Variants in C3orf20 observed in about 807,000 individuals in gnomAD.
C3orf20 encodes family with sequence similarity 149 member C, also known as uncharacterized protein C3orf20.
In C3orf20, 76 loss-of-function variants were observed where a neutral mutation model predicts 88.3. That is an observed-to-expected ratio of 0.86 (90% CI 0.72 to 1.04). The LOEUF (loss-of-function observed/expected upper bound fraction) is 1.04, where lower values mean the gene tolerates loss of function less well. C3orf20 is among the 50% of genes least tolerant of loss of function. The probability of loss-of-function intolerance (pLI) is 0.00; values close to 1 mark genes in which losing one functional copy is unlikely to be tolerated. For synonymous variants in C3orf20, 436 were observed against 437.4 expected (o/e 1.00, Z 0.04); for missense variants, 1,056 against 1,123.3 (o/e 0.94, Z 0.86).
intron 7 of C3orf20, among the ~76,000 whole-genome samples, chr3:14,712,826 C>G (rs1309030428): frequency 6.6e-6 from 1 of 152,048 alleles, no homozygotes; most frequent in Non-Finnish European, 1.5e-5. Context: ...CATTTTTTTG[C>G]AGGGCAGGTC....
intron 12 of C3orf20, among the ~76,000 whole-genome samples, chr3:14,740,070 A>C (rs1448692062): frequency 1.3e-5 from 2 of 152,168 alleles, no homozygotes; most frequent in African/African-American, 4.8e-5. Flanking sequence ...TTCCTTCATG[A>C]ACTTTTTCTT....
chr3:14,675,863 G>C (rs2031738311), intron 1 of C3orf20, among the ~76,000 whole-genome samples: 1 of 151,942 alleles, frequency 6.6e-6, no homozygotes, highest in East Asian at 1.9e-4. Context: ...GCTAATTTTT[G>C]TATTTTTAGT....
At chr3:14,675,826 G>C (rs534515293) in intron 1 of C3orf20, among the ~76,000 whole-genome samples, 12 of 152,154 alleles carry the variant, frequency 7.9e-5, no homozygotes, top group African/African-American at 2.9e-4. Context: ...GAGTAGCTGG[G>C]ATTACAGGCA....
intron 12 of C3orf20, among the ~76,000 whole-genome samples, chr3:14,732,038 A>G (rs2034553020): frequency 6.6e-6 from 1 of 152,254 alleles, no homozygotes; most frequent in Non-Finnish European, 1.5e-5. Flanking sequence ...GGTTTATAGT[A>G]AATGCATGTT....
chr3:14,697,436 T>C (rs1225859412), intron 5 of C3orf20, among the ~76,000 whole-genome samples: 2 of 152,120 alleles, frequency 1.3e-5, no homozygotes, highest in African/African-American at 2.4e-5. Context: ...TTTCTTCTGC[T>C]TGATAAATTC....
chr3:14,683,058 G>A lies in C3orf20; in HGVS notation c.345G>A (p.Lys115=), dbSNP rs73022161. ...PVLLATTGAA[K]RSTLSPTMAR... The stretch of plus-strand genomic sequence containing the variant: ...TGCTGGCAACCACTGGGGCAGCCAA[G>A]CGCTCCACCCTCTCTCCCACCATGG... Residue 115 remains lysine, a synonymous_variant, in exon 3 of 17, where the codon AAG becomes AAA. Coordinates refer to ENST00000253697, the MANE Select transcript of C3orf20 (RefSeq NM_032137.5). 13,589 of 1,611,172 alleles carry A rather than the reference G, an allele frequency of 8.4e-3. 127 individuals are homozygous for A. The highest frequency in any genetic ancestry group is 9.0e-3 in the Non-Finnish European group (10,551 of 1,178,596).
In C3orf20 at chr3:14,682,861, A is replaced by ACTT; in HGVS notation, c.149_151dup (p.Thr50_Trp51insSer). On this transcript the variant is annotated inframe_insertion, in exon 3 of 17. Coordinates refer to ENST00000253697, the MANE Select transcript of C3orf20 (RefSeq NM_032137.5). ...AGGCATCAGAAACATCTTTGAGTTC[A>ACTT]CTTGGGAAGAGCTCATCAGTGACCC... 6.2e-7 allele frequency: 1 copy of ACTT among 1,614,226 alleles called. No individual in the cohort carries two copies. Among genetic ancestry groups the ACTT allele is most frequent in the South Asian group, 1.1e-5 (1 of 91,086 alleles).
At chr3:14,738,626 C>CG (rs1188364962) in intron 12 of C3orf20, among the ~76,000 whole-genome samples, 20 of 135,938 alleles carry the variant, frequency 1.5e-4, no homozygotes, top group African/African-American at 5.6e-4. Context: ...CCACCATGCC[C>CG]GGCCTTTTTT....
intron 7 of C3orf20, among the ~76,000 whole-genome samples, chr3:14,707,151 A>G (rs1490176207): frequency 6.7e-6 from 1 of 149,010 alleles, no homozygotes; most frequent in Non-Finnish European, 1.5e-5. Context: ...CAGGAGGCTG[A>G]GGCAGGAGAA....
At chr3:14,748,872 A>G (rs761020512) in intron 12 of C3orf20, among the ~76,000 whole-genome samples, 11 of 152,290 alleles carry the variant, frequency 7.2e-5, no homozygotes, top group Non-Finnish European at 1.5e-4. Flanking sequence ...GGTCTCATAT[A>G]TAGTCTGTCC....
Position 14,768,111 on chromosome 3 carries a change from GCCCCTTGC to G in C3orf20, c.2496-3953_2496-3946del, listed in dbSNP as rs1382639674. ...AGCTGCGCCACTTGGTAGCACCCCT[GCCCCTTGC>G]CCACCTCAGAAGAGGCAGGAAGAGA... On this transcript the variant is annotated intron_variant, in intron 15 of 16. Coordinates refer to ENST00000253697, the MANE Select transcript of C3orf20 (RefSeq NM_032137.5). This position sits in a 1 kb window ranked among gnomAD's most constrained non-coding sequence, Gnocchi z 4.1. Among the ~76,000 whole-genome samples the G allele has an allele frequency of 6.6e-6, 1 of 152,218 alleles. No individual in the cohort carries two copies. Among genetic ancestry groups the G allele is most frequent in the Non-Finnish European group, 1.5e-5 (1 of 68,034 alleles).
At chr3:14,749,238 C>G (rs1315238201) in intron 12 of C3orf20, among the ~76,000 whole-genome samples, 1 of 152,144 alleles carries the variant, frequency 6.6e-6, no homozygotes, top group African/African-American at 2.4e-5. Flanking sequence ...TACTTAAAGT[C>G]TATTTTTGTC....
intron 10 of C3orf20, 75 bp from the exon 11 acceptor site, chr3:14,726,826 C>T: frequency 6.2e-7 from 1 of 1,600,264 alleles, no homozygotes; most frequent in African/African-American, 1.3e-5. Context: ...CGGAGCAAGT[C>T]TTAGTTATCC....
In C3orf20 at chr3:14,690,010, C is replaced by T; in HGVS notation, c.639C>T (p.Asn213=). Residue 213 remains asparagine (N), a synonymous_variant, in exon 5 of 17, where the codon AAC becomes AAT. Transcript: ENST00000253697. The part of the protein sequence containing the change: ...SGQLWKESLA[N]MSAIGVNSPY... ...CTCCCACTCCAGAGTCCCTCGCAAA[C>T]ATGTCCGCCATTGGGGTGAACTCGC... 1 of 1,614,204 alleles carries T rather than the reference C, an allele frequency of 6.2e-7. No homozygotes were observed. Among genetic ancestry groups the T allele is most frequent in the Non-Finnish European group, 8.5e-7 (1 of 1,180,018 alleles).
chr3:14,731,093 C>A (rs1363886653), intron 12 of C3orf20, among the ~76,000 whole-genome samples: 1 of 152,088 alleles, frequency 6.6e-6, no homozygotes, highest in African/African-American at 2.4e-5. Flanking sequence ...ATTCCATCAC[C>A]CCCCAACCAA....
In C3orf20 at chr3:14,772,669, C is replaced by T. The variant is rs2035893653; in HGVS notation, c.2631-122C>T. ...CACCGGGGCCCTCTGGTTGGAACAG[C>T]ACCCAACAGCCTCACCTGTGCAAGG... On this transcript the variant is annotated intron_variant, in intron 16 of 16. Transcript: ENST00000253697. This position sits in a 1 kb window ranked among gnomAD's most constrained non-coding sequence, Gnocchi z 4.2. 4 of 733,032 alleles carry T rather than the reference C, an allele frequency of 5.5e-6. No homozygotes were observed. The highest frequency in any genetic ancestry group is 9.3e-6 in the Non-Finnish European group (4 of 428,598). 45.4% of individuals were successfully genotyped at this position (733,032 alleles called of 1,614,324 possible).
intron 10 of C3orf20, chr3:14,722,068 A>G (rs1234490748): frequency 2.8e-6 from 1 of 357,552 alleles, no homozygotes; most frequent in East Asian, 5.6e-5. Flanking sequence ...GTCTGTCAAT[A>G]TGCAGTTTCA....
intron 15 of C3orf20, chr3:14,765,460 A>AGCT (rs1320193658): frequency 6.6e-6 from 1 of 152,234 alleles, no homozygotes; most frequent in South Asian, 2.1e-4. Flanking sequence ...CAGTGCCAGG[A>AGCT]GCTGACATTG....
At chr3:14,770,219 T>G (rs539714167) in intron 15 of C3orf20, among the ~76,000 whole-genome samples, 9 of 152,196 alleles carry the variant, frequency 5.9e-5, no homozygotes, top group Non-Finnish European at 8.8e-5. Context: ...GAGAGGCGTT[T>G]AAAGGGTCAG....
Sources: gnomAD v4.1 joint callset for allele counts (sites outside exome capture counted in the v4.1 genomes callset) on GRCh38, gnomAD v4.1.1 for gene constraint, Gnocchi (gnomAD v3.1) non-coding constraint, MANE v1.5 for transcripts, NCBI Gene and HGNC (gene_info 2026-07-23, HGNC 2026-07-21) for gene names.